The following CCDC14 variants were observed in gnomAD, a reference collection of about 807,000 sequenced individuals.
CCDC14 encodes the protein coiled-coil domain-containing protein 14.
In CCDC14, 71 loss-of-function variants were observed where a neutral mutation model predicts 81.4. That is an observed-to-expected ratio of 0.87 (90% CI 0.72 to 1.06). The LOEUF (loss-of-function observed/expected upper bound fraction) is 1.06, where lower values mean the gene tolerates loss of function less well. CCDC14 is among the 50% of genes least tolerant of loss of function. The probability of loss-of-function intolerance (pLI) is 0.00; values close to 1 mark genes in which losing one functional copy is unlikely to be tolerated. For missense variants in CCDC14, 1,046 were observed against 1,047.3 expected (o/e 1.00, Z 0.02); for synonymous variants, 332 against 364.8 (o/e 0.91, Z 1.03).
chr3:123,922,384 G>GTTTATTGCTAT (rs2035099070), intron 12 of CCDC14, among the ~76,000 whole-genome samples: 1 of 152,050 alleles, frequency 6.6e-6, no homozygotes, highest in Non-Finnish European at 1.5e-5. Flanking sequence ...AGAAATATAT[G>GTTTATTGCTAT]AAATAGAGAC....
intron 12 of CCDC14, among the ~76,000 whole-genome samples, chr3:123,928,483 G>A (rs897307383): frequency 6.6e-6 from 1 of 152,038 alleles, no homozygotes; most frequent in Non-Finnish European, 1.5e-5. Flanking sequence ...TCCAGCCTGG[G>A]CGACAGAGTG....
At chr3:123,926,340 A>T (rs2035359387) in intron 12 of CCDC14, among the ~76,000 whole-genome samples, 1 of 151,950 alleles carries the variant, frequency 6.6e-6, no homozygotes, top group African/African-American at 2.4e-5. Context: ...AAGCGGATAT[A>T]TTGGTGTTTC....
chr3:123,904,632 A>AAC (rs1483578246), intron 5 of CCDC14, among the ~76,000 whole-genome samples: 4 of 151,646 alleles, frequency 2.6e-5, no homozygotes, highest in Admixed American at 6.6e-5. Flanking sequence ...GAAAAAAAAA[A>AAC]AAACCCTGGG....
At chr3:123,912,019 T>C (rs2034459150), downstream of CCDC14, among the ~76,000 whole-genome samples, 1 of 152,200 alleles carries the variant, frequency 6.6e-6, no homozygotes, top group Admixed American at 6.5e-5. Context: ...CCCTAGGATC[T>C]CTACACTTGG....
intron 12 of CCDC14, among the ~76,000 whole-genome samples, chr3:123,928,415 A>G (rs2035506997): frequency 6.6e-6 from 1 of 151,086 alleles, no homozygotes; most frequent in African/African-American, 2.4e-5. Flanking sequence ...CTGAGGCAGG[A>G]GAATGGCGTG....
chr3:123,934,711 G>T (rs1367472510), intron 9 of CCDC14, among the ~76,000 whole-genome samples: 3 of 152,116 alleles, frequency 2.0e-5, no homozygotes, highest in Non-Finnish European at 4.4e-5. Flanking sequence ...CGCTTATGGG[G>T]ACAAAAGTTA....
At chr3:123,925,436 T>C (rs1461314077) in intron 12 of CCDC14, among the ~76,000 whole-genome samples, 1 of 151,878 alleles carries the variant, frequency 6.6e-6, no homozygotes, top group Non-Finnish European at 1.5e-5. Flanking sequence ...AACAGTAGGG[T>C]GACTATACTT....
At chr3:123,898,250 A>G (rs1281341870) in intron 5 of CCDC14, among the ~76,000 whole-genome samples, 3 of 152,254 alleles carry the variant, frequency 2.0e-5, no homozygotes, top group South Asian at 2.1e-4. Flanking sequence ...CATCCACTTC[A>G]TAAGGTTGTT....
intron 5 of CCDC14, among the ~76,000 whole-genome samples, chr3:123,902,258 G>C (rs2148759549): frequency 6.6e-6 from 1 of 152,324 alleles, no homozygotes; most frequent in African/African-American, 2.4e-5. Context: ...GCAGAGGTGA[G>C]AAAGTTTTTC....
intron 8 of CCDC14, among the ~76,000 whole-genome samples, chr3:123,946,131 G>T (rs1347130628): frequency 2.0e-5 from 3 of 146,686 alleles, no homozygotes; most frequent in East Asian, 4.6e-4. Flanking sequence ...AGCATTTTAA[G>T]ATTTTTTTTT....
intron 1 of CCDC14, 45 bp downstream of exon 1, chr3:123,961,099 C>A: frequency 6.7e-7 from 1 of 1,493,636 alleles, no homozygotes; most frequent in South Asian, 1.2e-5. Context: ...ACCCCCCTGT[C>A]CCTCTCCATC....
intron 9 of CCDC14, among the ~76,000 whole-genome samples, chr3:123,934,282 A>AC: frequency 6.7e-6 from 1 of 150,320 alleles, no homozygotes; most frequent in Non-Finnish European, 1.5e-5. Context: ...AAAAAAAAAA[A>AC]AAAAAAAAAA....
rs2035676766 is a variant in CCDC14 at position 123,931,156 on chromosome 3, C to T, written c.1724G>A (p.Gly575Glu). Residue 575 changes from glycine to glutamate, a missense_variant, in exon 12 of 13, where the codon GGG (glycine) becomes GAG (glutamate). By Grantham distance (98) the Gly-to-Glu change is moderately conservative (BLOSUM62 -2). Coordinates refer to ENST00000409697, the MANE Select transcript of CCDC14 (RefSeq NM_001366335.1). ...AGCATCACGCTGACGTAATGTTATCCCCAATATCTGGTTTTCCTTTTCAGC... is the reference window on the plus strand; with the variant it reads ...AGCATCACGCTGACGTAATGTTATCTCCAATATCTGGTTTTCCTTTTCAGC... ...ETAEKENQILGITLRQRDAEV... is the reference protein window; with the variant it reads ...ETAEKENQILEITLRQRDAEV... 3.7e-6 allele frequency: 6 copies of T among 1,612,806 alleles called. No individual in the cohort carries two copies. The South Asian group carries it at 5.5e-5, about 15-fold the overall frequency.
chr3:123,900,361 A>G (rs1159742054), intron 5 of CCDC14, among the ~76,000 whole-genome samples: 1 of 152,258 alleles, frequency 6.6e-6, no homozygotes, highest in African/African-American at 2.4e-5. Context: ...TCACATGAAC[A>G]GAAGCCTGAC....
chr3:123,918,257 A>T (rs1163117086), intron 12 of CCDC14, among the ~76,000 whole-genome samples: 2 of 152,230 alleles, frequency 1.3e-5, no homozygotes, highest in East Asian at 3.9e-4. Flanking sequence ...CTGTCCTCTT[A>T]AACACACTGT....
chr3:123,937,727 T>C (rs1223050279), intron 9 of CCDC14, among the ~76,000 whole-genome samples: 1 of 151,896 alleles, frequency 6.6e-6, no homozygotes, highest in East Asian at 1.9e-4. Flanking sequence ...ATTTTTAAAA[T>C]CTTTCCCAAT....
intron 10 of CCDC14, 105 bp downstream of exon 10, chr3:123,933,568 A>G: frequency 2.7e-6 from 2 of 730,894 alleles, no homozygotes; most frequent in Non-Finnish European, 4.5e-6. Flanking sequence ...ATGTTTCTAC[A>G]ATATTTTAAA....
intron 12 of CCDC14, among the ~76,000 whole-genome samples, chr3:123,928,119 T>C (rs1264375501): frequency 6.6e-6 from 1 of 152,106 alleles, no homozygotes; most frequent in Non-Finnish European, 1.5e-5. Flanking sequence ...AAGATTTTTC[T>C]TATGTTTTTG....
chr3:123,947,088 A>G lies in CCDC14; in HGVS notation c.916T>C (p.Tyr306His). 6.2e-7 allele frequency: 1 copy of G among 1,613,996 alleles called. No homozygotes were observed. Among genetic ancestry groups the G allele is most frequent in the Non-Finnish European group, 8.5e-7 (1 of 1,179,884 alleles). Residue 306 changes from tyrosine (Y) to histidine (H), a missense_variant, in exon 8 of 13, where the codon TAT becomes CAT. Tyr to His is a moderately conservative substitution (Grantham distance 83). Transcript: ENST00000409697. ...ETDLLKCIQT[Y>H]LSLFRSHGKE... is the part of the protein sequence containing the mutation. ...CCATGAGATCGAAAAAGAGACAAATATGTTTGAATACATTTTAGTAGGTCT... is the reference window on the plus strand; with the variant it reads ...CCATGAGATCGAAAAAGAGACAAATGTGTTTGAATACATTTTAGTAGGTCT...
Sources: allele counts gnomAD v4.1 joint callset (sites outside exome capture counted in the v4.1 genomes callset), GRCh38; gene constraint gnomAD v4.1.1; transcripts MANE v1.5; gene names NCBI Gene and HGNC (gene_info 2026-07-23, HGNC 2026-07-21).